Variants in GPC5 observed in about 807,000 individuals in gnomAD.
GPC5 encodes glypican 5, also known as glypican-5.
Under a neutral mutation model 53.9 loss-of-function variants are expected in GPC5, and 47 were observed. The observed-to-expected ratio is 0.87, with a 90% CI of 0.69 to 1.11. GPC5 has a LOEUF of 1.11. GPC5 is among the 50% of genes most tolerant of loss of function. GPC5 has a pLI of 0.00. For synonymous variants in GPC5, 286 were observed against 263.3 expected, an observed-to-expected ratio of 1.09 and a Z score of -0.84; for missense variants, 748 against 713.1, an observed-to-expected ratio of 1.05 and a Z score of -0.56.
At chr13:91,587,312 T>C (rs181105799) in intron 2 of GPC5, among the ~76,000 whole-genome samples, 3 of 152,322 alleles carry the variant, frequency 2.0e-5, no homozygotes, top group Non-Finnish European at 4.4e-5. Flanking sequence ...TTACTGTTTT[T>C]TAAATGTCTC....
At chr13:92,853,905 A>G (rs1878898329) in intron 7 of GPC5, among the ~76,000 whole-genome samples, 1 of 152,126 alleles carries the variant, frequency 6.6e-6, no homozygotes, top group Non-Finnish European at 1.5e-5. Flanking sequence ...TGTAAGAGAC[A>G]CTATATATAA....
chr13:92,481,106 ATTT>A (rs199678556), intron 7 of GPC5, among the ~76,000 whole-genome samples: 2 of 147,054 alleles, frequency 1.4e-5, no homozygotes, highest in Admixed American at 6.8e-5. Flanking sequence ...ATTTTTTTGC[ATTT>A]TTTTTTTTTG....
intron 2 of GPC5, among the ~76,000 whole-genome samples, chr13:91,516,691 C>T (rs533565538): frequency 6.6e-6 from 1 of 152,184 alleles, no homozygotes; most frequent in African/African-American, 2.4e-5. Context: ...TGTGTGGGGG[C>T]TCTGACCCCA....
chr13:91,860,867 G>T (rs985276273), intron 5 of GPC5, among the ~76,000 whole-genome samples: 1 of 152,058 alleles, frequency 6.6e-6, no homozygotes. Context: ...CATATCTTGG[G>T]TATTGTGAAT....
intron 7 of GPC5, among the ~76,000 whole-genome samples, chr13:92,229,245 T>A (rs192747641): frequency 6.6e-6 from 1 of 152,238 alleles, no homozygotes; most frequent in African/African-American, 2.4e-5. Context: ...CATTATTTGA[T>A]TCATTGAACT....
At chr13:92,390,453 G>A (rs369650231) in intron 7 of GPC5, among the ~76,000 whole-genome samples, 32 of 152,242 alleles carry the variant, frequency 2.1e-4, no homozygotes, top group African/African-American at 5.8e-4. Flanking sequence ...GCATTAGGGT[G>A]ATGGAGACAT....
At chr13:91,466,276 C>T (rs1403308085) in intron 2 of GPC5, among the ~76,000 whole-genome samples, 1 of 152,148 alleles carries the variant, frequency 6.6e-6, no homozygotes. Context: ...TCCCTGCTGC[C>T]ACCCAGGAGT....
At chr13:91,624,228 C>A (rs2033939752) in intron 2 of GPC5, among the ~76,000 whole-genome samples, 1 of 152,090 alleles carries the variant, frequency 6.6e-6, no homozygotes, top group Non-Finnish European at 1.5e-5. Flanking sequence ...CAAAAATCTA[C>A]CCCTATTGTA....
intron 2 of GPC5, among the ~76,000 whole-genome samples, chr13:91,629,346 A>AT (rs1468943397): frequency 3.9e-5 from 6 of 152,006 alleles, no homozygotes; most frequent in East Asian, 1.9e-4. Context: ...AATTATTTAA[A>AT]TTTATTTTTT....
chr13:91,831,844 TC>T (rs1160344875), intron 5 of GPC5, among the ~76,000 whole-genome samples: 1 of 152,108 alleles, frequency 6.6e-6, no homozygotes, highest in Non-Finnish European at 1.5e-5. Flanking sequence ...TGATTTCCAT[TC>T]TTTTGCATTT....
chr13:92,169,923 A>T (rs1443934757), intron 7 of GPC5, among the ~76,000 whole-genome samples: 1 of 151,992 alleles, frequency 6.6e-6, no homozygotes, highest in Non-Finnish European at 1.5e-5. Context: ...TTCCTTACAA[A>T]CTTGGTTGAA....
intron 2 of GPC5, among the ~76,000 whole-genome samples, chr13:91,534,352 A>T (rs1886490350): frequency 6.6e-6 from 1 of 152,232 alleles, no homozygotes; most frequent in Non-Finnish European, 1.5e-5. Context: ...TCTTAGATAT[A>T]CATTGCCTAT....
At chr13:91,659,013 C>G (rs2139604640) in intron 2 of GPC5, among the ~76,000 whole-genome samples, 1 of 152,212 alleles carries the variant, frequency 6.6e-6, no homozygotes, top group African/African-American at 2.4e-5. Flanking sequence ...TATTTGTAAT[C>G]TGTGTTTTTT....
At chr13:92,177,383 C>T (rs553675832) in intron 7 of GPC5, among the ~76,000 whole-genome samples, 1 of 152,330 alleles carries the variant, frequency 6.6e-6, no homozygotes, top group East Asian at 1.9e-4. Flanking sequence ...CGTATCCCAT[C>T]TCACTTTCCT....
At chr13:92,508,507 A>G (rs540720088) in intron 7 of GPC5, among the ~76,000 whole-genome samples, 1 of 152,312 alleles carries the variant, frequency 6.6e-6, no homozygotes, top group Admixed American at 6.5e-5. Context: ...ATTCTCAGTA[A>G]TGGTGAAGTG....
chr13:92,053,392 T>C (rs1220959215), intron 6 of GPC5, among the ~76,000 whole-genome samples: 1 of 152,182 alleles, frequency 6.6e-6, no homozygotes, highest in African/African-American at 2.4e-5. Context: ...GCAGAGGGTC[T>C]GAGCACAAAC....
intron 7 of GPC5, among the ~76,000 whole-genome samples, chr13:92,312,410 T>C (rs2043151148): frequency 6.6e-6 from 1 of 152,194 alleles, no homozygotes; most frequent in Non-Finnish European, 1.5e-5. Flanking sequence ...TTACATAATA[T>C]TCTGAAAAGA....
At chr13:91,963,848 T>G (rs1164723304) in intron 6 of GPC5, among the ~76,000 whole-genome samples, 1 of 152,068 alleles carries the variant, frequency 6.6e-6, no homozygotes, top group Non-Finnish European at 1.5e-5. Flanking sequence ...GGAAGAAGCA[T>G]CAATCATAGA....
chr13:91,617,476 C>T lies in GPC5; in HGVS notation c.326-75711C>T, dbSNP rs2033729540. Among the ~76,000 whole-genome samples the T allele has an allele frequency of 2.6e-5, 4 of 152,054 alleles. No individual in the cohort carries two copies. The South Asian group carries it at 8.3e-4, about 32-fold the overall frequency. ...GAAGGACATTAGGTATTAGTGGAAT[C>T]TGTAACTGTTGGGAAGAAATAGAGG... is the stretch of plus-strand genomic sequence containing the variant. On this transcript the variant is annotated intron_variant, in intron 2 of 7. Coordinates refer to ENST00000377067, the MANE Select transcript of GPC5 (RefSeq NM_004466.6).
Sources: allele counts gnomAD v4.1 joint callset (sites outside exome capture counted in the v4.1 genomes callset), GRCh38; gene constraint gnomAD v4.1.1; transcripts MANE v1.5; gene names NCBI Gene and HGNC (gene_info 2026-07-23, HGNC 2026-07-21).